The following GATAD2B variants were observed in gnomAD, a reference collection of about 807,000 sequenced individuals.
The protein encoded by GATAD2B is transcriptional repressor p66-beta.
Under a neutral mutation model 64.3 loss-of-function variants are expected in GATAD2B, and 8 were observed. That is an observed-to-expected ratio of 0.12 (90% CI 0.07 to 0.22). The LOEUF (loss-of-function observed/expected upper bound fraction) is 0.22. GATAD2B is among the 10% of genes least tolerant of loss of function. GATAD2B has a pLI of 1.00. For missense variants in GATAD2B, 453 were observed against 752.0 expected, an observed-to-expected ratio of 0.60 and a Z score of 4.65; for synonymous variants, 281 against 271.3, an observed-to-expected ratio of 1.04 and a Z score of -0.35.
intron 1 of GATAD2B, among the ~76,000 whole-genome samples, chr1:153,868,197 C>T (rs1333227500): frequency 1.3e-5 from 2 of 150,250 alleles, no homozygotes; most frequent in Admixed American, 6.6e-5. Context: ...AGGCAGACTC[C>T]ATCTCAAAAA....
chr1:153,911,127 A>C (rs1557833906), intron 1 of GATAD2B, among the ~76,000 whole-genome samples: 1 of 152,184 alleles, frequency 6.6e-6, no homozygotes, highest in Non-Finnish European at 1.5e-5. Flanking sequence ...AAAGAGCAAA[A>C]GCTATTCTAG....
chr1:153,831,040 G>A (rs978233454), intron 1 of GATAD2B, among the ~76,000 whole-genome samples: 19 of 152,118 alleles, frequency 1.2e-4, no homozygotes, highest in Non-Finnish European at 2.6e-4. Context: ...CAAAGCACTT[G>A]GGATTATAGG....
intron 1 of GATAD2B, among the ~76,000 whole-genome samples, chr1:153,912,924 C>T (rs1455599300): frequency 6.6e-6 from 1 of 151,666 alleles, no homozygotes; most frequent in African/African-American, 2.4e-5. Flanking sequence ...GAAACCCTGT[C>T]TCTACTAAAA....
chr1:153,895,684 T>G lies in GATAD2B; in HGVS notation c.-2+27049A>C, dbSNP rs73015726. On this transcript the variant is annotated intron_variant, in intron 1 of 10. Transcript: ENST00000368655. Reference sequence around the variant, plus strand: ...TAAAAATTTATTGACAATATAATGATGTACTCTTGAATCTAAGATATGCAG... The same window carrying G: ...TAAAAATTTATTGACAATATAATGAGGTACTCTTGAATCTAAGATATGCAG... Among the ~76,000 whole-genome samples, 891 of 152,260 alleles carry G rather than the reference T, an allele frequency of 5.9e-3. 15 individuals carry two copies. The highest frequency in any genetic ancestry group is 0.02 in the African/African-American group (821 of 41,556).
chr1:153,830,112 G>T (rs533810142), intron 1 of GATAD2B, among the ~76,000 whole-genome samples: 15 of 151,906 alleles, frequency 9.9e-5, no homozygotes, highest in Non-Finnish European at 2.2e-4. Context: ...AACAAAACAA[G>T]ACCAAAAAAT....
intron 1 of GATAD2B, among the ~76,000 whole-genome samples, chr1:153,834,392 CTTTTCT>C (rs1675197220): frequency 6.6e-6 from 1 of 151,730 alleles, no homozygotes; most frequent in Admixed American, 6.6e-5. Context: ...TAACATTTTT[CTTTTCT>C]TTTTCTTTTT....
chr1:153,820,869 G>T (rs1227568093), intron 2 of GATAD2B, among the ~76,000 whole-genome samples: 1 of 151,778 alleles, frequency 6.6e-6, no homozygotes, highest in Non-Finnish European at 1.5e-5. Flanking sequence ...TCCCGCCTTG[G>T]CCTCCCCTTT....
intron 1 of GATAD2B, among the ~76,000 whole-genome samples, chr1:153,878,931 C>G (rs1676921166): frequency 6.6e-6 from 1 of 151,568 alleles, no homozygotes. Context: ...GTGCCCACCA[C>G]CATGCCTGGC....
chr1:153,822,547 C>T (rs1352246856), intron 2 of GATAD2B, among the ~76,000 whole-genome samples: 2 of 152,196 alleles, frequency 1.3e-5, no homozygotes, highest in Non-Finnish European at 2.9e-5. Context: ...GAGTCTTGCA[C>T]TGTCACCGGG....
chr1:153,824,612 TAA>T (rs771879855), intron 2 of GATAD2B, among the ~76,000 whole-genome samples: 138 of 96,646 alleles, frequency 1.4e-3, no homozygotes, highest in Admixed American at 3.2e-3. Context: ...ACTCTGCCTT[TAA>T]AAAAAAAAAA....
intron 1 of GATAD2B, among the ~76,000 whole-genome samples, chr1:153,910,740 AAAAT>A (rs576290564): frequency 6.6e-6 from 1 of 152,178 alleles, no homozygotes; most frequent in Non-Finnish European, 1.5e-5. Context: ...ACTCTGTGTC[AAAAT>A]AAATAAATAA....
At chr1:153,889,403 AC>A (rs1323092747) in intron 1 of GATAD2B, among the ~76,000 whole-genome samples, 1 of 98,984 alleles carries the variant, frequency 1.0e-5, no homozygotes, top group East Asian at 3.1e-4. Context: ...CAAGAGCGAA[AC>A]CCCGTCTCCA....
intron 1 of GATAD2B, among the ~76,000 whole-genome samples, chr1:153,829,427 G>T (rs949245950): frequency 6.6e-6 from 1 of 152,056 alleles, no homozygotes; most frequent in Non-Finnish European, 1.5e-5. Flanking sequence ...TTGTAAAAAT[G>T]GAGTACTTAA....
At chr1:153,825,043 GC>G (rs1674822586) in intron 2 of GATAD2B, among the ~76,000 whole-genome samples, 1 of 152,182 alleles carries the variant, frequency 6.6e-6, no homozygotes, top group Non-Finnish European at 1.5e-5. Context: ...CGGACATCAT[GC>G]CACACTGCAC....
chr1:153,858,298 G>A (rs1205602914), intron 1 of GATAD2B, among the ~76,000 whole-genome samples: 1 of 152,108 alleles, frequency 6.6e-6, no homozygotes, highest in Middle Eastern at 3.2e-3. Context: ...GGGCATGGTG[G>A]CTTACACCTG....
chr1:153,870,530 G>A (rs545488681), intron 1 of GATAD2B, among the ~76,000 whole-genome samples: 2 of 152,142 alleles, frequency 1.3e-5, no homozygotes, highest in Admixed American at 1.3e-4. Context: ...CAGAGATCGC[G>A]TCACTGCACT....
At chr1:153,859,682 T>TAA (rs990062068) in intron 1 of GATAD2B, among the ~76,000 whole-genome samples, 6 of 147,742 alleles carry the variant, frequency 4.1e-5, no homozygotes, top group African/African-American at 1.5e-4. Flanking sequence ...AAAAAAATAA[T>TAA]AAAAAAAAAA....
chr1:153,857,170 C>T (rs1368790263), intron 1 of GATAD2B, among the ~76,000 whole-genome samples: 1 of 151,584 alleles, frequency 6.6e-6, no homozygotes, highest in Non-Finnish European at 1.5e-5. Context: ...ATTGGCCGGG[C>T]GCAGTGGCTC....
At chr1:153,899,441 C>T (rs996278709) in intron 1 of GATAD2B, among the ~76,000 whole-genome samples, 3 of 152,008 alleles carry the variant, frequency 2.0e-5, no homozygotes, top group Non-Finnish European at 4.4e-5. Flanking sequence ...GTTGCACATG[C>T]CTGTAATCCC....
Sources: gnomAD v4.1 joint callset for allele counts (sites outside exome capture counted in the v4.1 genomes callset) on GRCh38, gnomAD v4.1.1 for gene constraint, MANE v1.5 for transcripts, NCBI Gene and HGNC (gene_info 2026-07-23, HGNC 2026-07-21) for gene names.